Variants in SLC4A4 observed in about 807,000 individuals in gnomAD.
SLC4A4 encodes electrogenic sodium bicarbonate cotransporter 1.
Under a neutral mutation model 111.5 loss-of-function variants are expected in SLC4A4, and 27 were observed. That is an observed-to-expected ratio of 0.24 (90% CI 0.18 to 0.33). The LOEUF (loss-of-function observed/expected upper bound fraction) is 0.33, where lower values mean the gene tolerates loss of function less well. SLC4A4 is among the 10% of genes least tolerant of loss of function. The probability of loss-of-function intolerance (pLI) is 1.00; values close to 1 mark genes in which losing one functional copy is unlikely to be tolerated. For missense variants in SLC4A4, 909 were observed against 1,315.5 expected, an observed-to-expected ratio of 0.69 and a Z score of 4.78; for synonymous variants, 443 against 463.4, an observed-to-expected ratio of 0.96 and a Z score of 0.57.
intron 24 of SLC4A4, among the ~76,000 whole-genome samples, chr4:71,565,860 T>A (rs1362767354): frequency 6.6e-6 from 1 of 151,840 alleles, no homozygotes; most frequent in Non-Finnish European, 1.5e-5. Context: ...CTTTGTTTTT[T>A]ACCTGTGGGT....
At chr4:71,132,108 C>T (rs1743721841) in intron 2 of SLC4A4, among the ~76,000 whole-genome samples, 1 of 151,996 alleles carries the variant, frequency 6.6e-6, no homozygotes, top group African/African-American at 2.4e-5. Flanking sequence ...ATAATTTTGT[C>T]CTGACACTTT....
chr4:71,231,171 A>T lies in SLC4A4; in HGVS notation c.-1-5405A>T, dbSNP rs1169321493. On this transcript the variant is annotated intron_variant, in intron 1 of 25. Coordinates refer to ENST00000264485, the MANE Select transcript of SLC4A4 (RefSeq NM_001098484.3). ...CACTCCAAGACCTTCAACCTTTAGC[A>T]GCACTGTGACGGGGCAGGCTTGCAT... is the stretch of plus-strand genomic sequence containing the variant. Among the ~76,000 whole-genome samples, 3 of 152,244 alleles carry T rather than the reference A, an allele frequency of 2.0e-5. No homozygotes were observed. In the East Asian group the frequency reaches 5.8e-4, roughly 29 times the overall value.
chr4:71,238,240 A>G (rs1466502514), intron 2 of SLC4A4, among the ~76,000 whole-genome samples: 1 of 152,222 alleles, frequency 6.6e-6, no homozygotes, highest in East Asian at 1.9e-4. Context: ...GATGTAAATC[A>G]CTTCTTGAGT....
intron 12 of SLC4A4, among the ~76,000 whole-genome samples, chr4:71,455,692 A>G (rs1264924400): frequency 6.6e-6 from 1 of 152,266 alleles, no homozygotes; most frequent in East Asian, 1.9e-4. Flanking sequence ...TTTTTGATGG[A>G]CATTCTCATT....
chr4:71,559,626 C>A (rs1736780320), intron 22 of SLC4A4, among the ~76,000 whole-genome samples: 2 of 151,802 alleles, frequency 1.3e-5, no homozygotes, highest in African/African-American at 4.8e-5. Flanking sequence ...TATTCAAATA[C>A]TACCTCATTG....
chr4:71,335,643 G>A (rs887476545), intron 3 of SLC4A4, among the ~76,000 whole-genome samples: 2 of 152,108 alleles, frequency 1.3e-5, no homozygotes, highest in Non-Finnish European at 2.9e-5. Context: ...GACTAACACG[G>A]TGAAACCCCG....
chr4:71,507,306 C>A (rs1731506999), intron 16 of SLC4A4, among the ~76,000 whole-genome samples: 1 of 152,108 alleles, frequency 6.6e-6, no homozygotes, highest in Non-Finnish European at 1.5e-5. Context: ...TGGAAAGCTG[C>A]ATAACAAACC....
Position 71,569,239 on chromosome 4 carries a change from G to A in SLC4A4, c.*1488G>A, listed in dbSNP as rs186670786. On this transcript the variant is annotated 3_prime_UTR_variant, in exon 26 of 26. Coordinates refer to ENST00000264485, the MANE Select transcript of SLC4A4 (RefSeq NM_001098484.3). ...AGGGTAAATATAGTTTATTTCCCAGGTATCAGTCATTATAATTGATATAAT... is the reference window on the plus strand; with the variant it reads ...AGGGTAAATATAGTTTATTTCCCAGATATCAGTCATTATAATTGATATAAT... 1 of 151,658 alleles carries A rather than the reference G, an allele frequency of 6.6e-6. No individual in the cohort carries two copies. The highest frequency in any genetic ancestry group is 6.6e-5 in the Admixed American group (1 of 15,168). The allele number at this position is 151,658 out of a possible 1,614,324, so 9.4% of individuals were successfully genotyped here. A position where few individuals can be genotyped will look rare whatever the true frequency, so the allele number is the denominator to read the frequency against.
At chr4:71,396,909 G>A (rs1280731415) in intron 6 of SLC4A4, among the ~76,000 whole-genome samples, 1 of 152,170 alleles carries the variant, frequency 6.6e-6, no homozygotes, top group Non-Finnish European at 1.5e-5. Context: ...ATGTTAAGGG[G>A]GAAAAGAGGA....
chr4:71,241,709 T>C (rs1301519338), intron 2 of SLC4A4, among the ~76,000 whole-genome samples: 1 of 152,310 alleles, frequency 6.6e-6, no homozygotes, highest in South Asian at 2.1e-4. Flanking sequence ...AAAAACAGTG[T>C]GTACAGAGGA....
intron 3 of SLC4A4, among the ~76,000 whole-genome samples, chr4:71,309,629 G>A (rs1004027637): frequency 1.3e-5 from 2 of 151,996 alleles, no homozygotes; most frequent in African/African-American, 2.4e-5. Flanking sequence ...AAGCAATAAC[G>A]TCAACATCAA....
intron 4 of SLC4A4, among the ~76,000 whole-genome samples, chr4:71,339,886 G>A (rs573011260): frequency 1.3e-5 from 2 of 152,184 alleles, no homozygotes; most frequent in South Asian, 4.2e-4. Context: ...AAGATCTCTT[G>A]TGAGATTTTG....
intron 2 of SLC4A4, among the ~76,000 whole-genome samples, chr4:71,248,084 G>C (rs1454853419): frequency 6.6e-6 from 1 of 152,180 alleles, no homozygotes; most frequent in Non-Finnish European, 1.5e-5. Flanking sequence ...GCTCAACTCT[G>C]TAGGATGGCT....
At chr4:71,537,085 C>A (rs1315949615) in intron 18 of SLC4A4, among the ~76,000 whole-genome samples, 2 of 151,782 alleles carry the variant, frequency 1.3e-5, no homozygotes, top group Non-Finnish European at 2.9e-5. Context: ...TCTTCCTCAT[C>A]TCTCTCATTC....
chr4:71,352,703 A>G (rs1729951484), intron 5 of SLC4A4, among the ~76,000 whole-genome samples: 1 of 152,174 alleles, frequency 6.6e-6, no homozygotes, highest in Non-Finnish European at 1.5e-5. Context: ...AGATCATCAG[A>G]TGTATTTGCT....
At chr4:71,534,188 C>T (rs777092764) in intron 17 of SLC4A4, 39 bp from the exon 18 acceptor site, 1 of 1,602,566 alleles carries the variant, frequency 6.2e-7, no homozygotes, top group Non-Finnish European at 8.5e-7. Context: ...ATATATTAAC[C>T]TGATAATTTT....
intron 2 of SLC4A4, among the ~76,000 whole-genome samples, chr4:71,156,596 A>ACACG (rs1744482263): frequency 6.7e-6 from 1 of 149,556 alleles, no homozygotes; most frequent in Admixed American, 6.6e-5. Flanking sequence ...GCGCACACAC[A>ACACG]CACACACACA....
rs1736144792 is a variant in SLC4A4, at chr4:71,552,851, AC to A, written c.2695-2288del. Among the ~76,000 whole-genome samples the A allele has an allele frequency of 3.7e-5, 5 of 135,030 alleles. No homozygotes were observed. The South Asian group carries it at 1.3e-3, about 35-fold the overall frequency. 88.6% of individuals were successfully genotyped at this position (135,030 alleles called of 152,430 possible). ...TTTGTAAAAATATCTACCTACTATT[AC>A]TATGTAAATTATACTGGTTTAACTT... is the stretch of plus-strand genomic sequence containing the variant. On this transcript the variant is annotated intron_variant, in intron 20 of 25. Transcript: ENST00000264485.
chr4:71,069,860 A>G (rs1741620907), intron 1 of SLC4A4, among the ~76,000 whole-genome samples: 1 of 152,164 alleles, frequency 6.6e-6, no homozygotes, highest in African/African-American at 2.4e-5. Context: ...AAAGTACAGC[A>G]TTTAATTTTC....
Sources: allele counts gnomAD v4.1 joint callset (sites outside exome capture counted in the v4.1 genomes callset), GRCh38; gene constraint gnomAD v4.1.1; transcripts MANE v1.5; gene names NCBI Gene and HGNC (gene_info 2026-07-23, HGNC 2026-07-21).